SLCO6A1: variants seen among roughly 807,000 people sequenced by gnomAD.
SLCO6A1 encodes cancer/testis antigen 48.
In SLCO6A1, 65 loss-of-function variants were observed where a neutral mutation model predicts 72.7. The ratio of observed to expected loss-of-function variants is 0.89; its 90% CI spans 0.73 to 1.10. The LOEUF (loss-of-function observed/expected upper bound fraction) is 1.10. Ranked by LOEUF, SLCO6A1 falls within the 50% of genes least tolerant of loss-of-function variation. SLCO6A1 has a pLI of 0.00. For synonymous variants in SLCO6A1, 314 were observed against 298.2 expected (o/e 1.05, Z -0.55); for missense variants, 874 against 872.6 (o/e 1.00, Z -0.02).
intron 6 of SLCO6A1, among the ~76,000 whole-genome samples, chr5:102,455,115 G>GT (rs1011059514): frequency 3.3e-5 from 5 of 150,148 alleles, no homozygotes; most frequent in Middle Eastern, 3.2e-3. Context: ...TTGACAAAGA[G>GT]TTTTTTTATA....
At chr5:102,483,211 C>T (rs1752294423) in intron 1 of SLCO6A1, among the ~76,000 whole-genome samples, 1 of 152,178 alleles carries the variant, frequency 6.6e-6, no homozygotes. Flanking sequence ...TAACTCTGCT[C>T]ATATGGAGAG....
At chr5:102,473,783 T>C (rs544455429) in intron 4 of SLCO6A1, among the ~76,000 whole-genome samples, 1 of 152,140 alleles carries the variant, frequency 6.6e-6, no homozygotes, top group Non-Finnish European at 1.5e-5. Context: ...ATGAATTTAG[T>C]AAAGTTGCAG....
rs1199051333 is a variant in SLCO6A1 at position 102,388,903 on chromosome 5, T to C, written c.1880-78A>G. On this transcript the variant is annotated intron_variant, in intron 11 of 13. Coordinates refer to ENST00000506729, the MANE Select transcript of SLCO6A1 (RefSeq NM_173488.5). The stretch of plus-strand genomic sequence containing the variant: ...ACATGTAATGCACACACAGATAATA[T>C]ATATGAATGACGACTCATCATTCAA... 8 of 1,270,950 alleles carry C rather than the reference T, an allele frequency of 6.3e-6. No homozygotes were observed. The East Asian group carries it at 1.8e-4, about 29-fold the overall frequency. The allele number at this position is 1,270,950 out of a possible 1,614,324, so 78.7% of individuals were successfully genotyped here.
In SLCO6A1 at chr5:102,419,925, A is replaced by G. The variant is rs773403329; in HGVS notation, c.1373T>C (p.Ile458Thr). ...AAGTGATATCACAGATGTAACCATT[A>G]TAAATCTCATAAGGGCTTTACAAGA... is the stretch of plus-strand genomic sequence containing the variant. ...EMSCKALMRF[I>T]MVTSVISLIL... is the part of the protein sequence containing the mutation. Residue 458 changes from isoleucine (I) to threonine (T), a missense_variant, in exon 8 of 14, where the codon ATA becomes ACA. Ile to Thr is a moderately conservative substitution (Grantham distance 89, BLOSUM62 -1). Coordinates refer to ENST00000506729, the MANE Select transcript of SLCO6A1 (RefSeq NM_173488.5). 6.2e-7 allele frequency: 1 copy of G among 1,609,434 alleles called. No homozygotes were observed. Among genetic ancestry groups the G allele is most frequent in the African/African-American group, 1.3e-5 (1 of 74,716 alleles).
At chr5:102,480,472 C>T (rs2112830930) in intron 1 of SLCO6A1, 38 bp from the exon 2 acceptor site, 1 of 1,568,994 alleles carries the variant, frequency 6.4e-7, no homozygotes, top group South Asian at 1.2e-5. Context: ...CAACGATATG[C>T]ATTTTAAGAG....
intron 10 of SLCO6A1, among the ~76,000 whole-genome samples, chr5:102,393,196 C>T (rs981674113): frequency 6.6e-6 from 1 of 152,084 alleles, no homozygotes; most frequent in Non-Finnish European, 1.5e-5. Context: ...CATATAAGAA[C>T]GAAAGTGATA....
chr5:102,400,377 G>A (rs1022904836), intron 9 of SLCO6A1, among the ~76,000 whole-genome samples: 3 of 151,946 alleles, frequency 2.0e-5, no homozygotes, highest in Admixed American at 1.3e-4. Context: ...CCAATGTGGT[G>A]TAGATAAAAT....
chr5:102,469,737 G>A lies in SLCO6A1; in HGVS notation c.899+5960C>T, dbSNP rs551146182. On this transcript the variant is annotated intron_variant, in intron 4 of 13. Coordinates refer to ENST00000506729, the MANE Select transcript of SLCO6A1 (RefSeq NM_173488.5). ...AGAGAGGGCATCCTTGTCTTGTGCC[G>A]GTTTTCAAAGGGAATGCTTCCAGTT... is the stretch of plus-strand genomic sequence containing the variant. Among the ~76,000 whole-genome samples the A allele has an allele frequency of 8.3e-3, 1,256 of 152,030 alleles. 12 individuals carry two copies. Among genetic ancestry groups the A allele is most frequent in the Non-Finnish European group, 0.015 (1,014 of 67,962 alleles).
intron 9 of SLCO6A1, among the ~76,000 whole-genome samples, chr5:102,407,213 C>A (rs1747720120): frequency 6.6e-6 from 1 of 152,148 alleles, no homozygotes. Context: ...AGTTACCACC[C>A]CTTTCCATGG....
intron 7 of SLCO6A1, among the ~76,000 whole-genome samples, chr5:102,431,512 T>A (rs1388219740): frequency 1.3e-5 from 2 of 152,140 alleles, no homozygotes; most frequent in Non-Finnish European, 2.9e-5. Flanking sequence ...TCAGGGTGGG[T>A]CATTTAATTT....
intron 4 of SLCO6A1, 118 bp downstream of exon 4, chr5:102,475,578 AT>A (rs1156836597): frequency 8.6e-6 from 5 of 583,448 alleles, no homozygotes; most frequent in Non-Finnish European, 1.4e-5. Context: ...ATTTGCATAT[AT>A]TTTTTCTAAA....
intron 5 of SLCO6A1, 67 bp from the exon 6 acceptor site, chr5:102,458,558 C>G (rs1202150719): frequency 1.0e-6 from 1 of 974,130 alleles, no homozygotes; most frequent in East Asian, 2.5e-5. Flanking sequence ...ATAAAACCTA[C>G]ATACACACCC....
intron 6 of SLCO6A1, among the ~76,000 whole-genome samples, chr5:102,452,369 CT>C (rs544701546): frequency 6.6e-6 from 1 of 151,922 alleles, no homozygotes; most frequent in Non-Finnish European, 1.5e-5. Context: ...TGTTTTTATT[CT>C]TTTTTTAAAT....
chr5:102,423,041 G>C (rs1356508313), intron 7 of SLCO6A1, among the ~76,000 whole-genome samples: 1 of 152,058 alleles, frequency 6.6e-6, no homozygotes, highest in Non-Finnish European at 1.5e-5. Context: ...CATAAGTGAA[G>C]GAGAAATAAA....
At chr5:102,379,273 T>C (rs1259784854) in intron 12 of SLCO6A1, among the ~76,000 whole-genome samples, 1 of 152,198 alleles carries the variant, frequency 6.6e-6, no homozygotes. Flanking sequence ...TTTTTGGTAA[T>C]AATTTGTTAA....
At chr5:102,391,429 T>C (rs1302883635) in intron 10 of SLCO6A1, among the ~76,000 whole-genome samples, 1 of 152,150 alleles carries the variant, frequency 6.6e-6, no homozygotes, top group African/African-American at 2.4e-5. Flanking sequence ...TCCACATTTT[T>C]CTACCTTGCT....
chr5:102,486,853 T>C (rs1262557358), intron 1 of SLCO6A1, among the ~76,000 whole-genome samples: 5 of 152,148 alleles, frequency 3.3e-5, no homozygotes, highest in Admixed American at 1.3e-4. Context: ...AGTTTAAACA[T>C]ATAGTATTCA....
In SLCO6A1 at chr5:102,484,772, T is replaced by A. The variant is rs185445800; in HGVS notation, c.359-4338A>T. Among the ~76,000 whole-genome samples, 796 of 152,338 alleles carry A rather than the reference T, an allele frequency of 5.2e-3. 20 individuals carry two copies. The highest frequency in any genetic ancestry group is 0.04 in the East Asian group (209 of 5,188). The stretch of plus-strand genomic sequence containing the variant: ...TTATGTTATACATCAGAAATTTTTT[T>A]AAAAATAAGATTATTAATAAACACA... On this transcript the variant is annotated intron_variant, in intron 1 of 13. Transcript: ENST00000506729.
At chr5:102,481,434 A>G (rs1752188681) in intron 1 of SLCO6A1, among the ~76,000 whole-genome samples, 1 of 152,178 alleles carries the variant, frequency 6.6e-6, no homozygotes, top group South Asian at 2.1e-4. Context: ...CAGAAAGGAA[A>G]AGAGAGTCTT....
Sources: gnomAD v4.1 joint callset for allele counts (sites outside exome capture counted in the v4.1 genomes callset) on GRCh38, gnomAD v4.1.1 for gene constraint, MANE v1.5 for transcripts, NCBI Gene and HGNC (gene_info 2026-07-23, HGNC 2026-07-21) for gene names.